The following FMNL2 variants were observed in gnomAD, a reference collection of about 807,000 sequenced individuals.
FMNL2 encodes the protein formin like 2, also known as formin-like protein 2.
FMNL2 carries 51 observed loss-of-function variants against 130.2 expected under a neutral mutation model. That is an observed-to-expected ratio of 0.39 (90% CI 0.31 to 0.49). The LOEUF (loss-of-function observed/expected upper bound fraction) is 0.49, where lower values mean the gene tolerates loss of function less well. Ranked by LOEUF, FMNL2 falls within the 20% of genes least tolerant of loss-of-function variation. FMNL2 has a pLI of 0.85. For missense variants in FMNL2, 977 were observed against 1,316.2 expected (o/e 0.74, Z 3.99); for synonymous variants, 465 against 467.1 (o/e 1.00, Z 0.06).
At chr2:152,531,771 A>T (rs1693713638) in intron 2 of FMNL2, among the ~76,000 whole-genome samples, 1 of 152,080 alleles carries the variant, frequency 6.6e-6, no homozygotes, top group South Asian at 2.1e-4. Flanking sequence ...AAGATATAAG[A>T]TCTAAGGGGA....
chr2:152,530,156 CTT>C (rs796473645), intron 2 of FMNL2, among the ~76,000 whole-genome samples: 29 of 152,266 alleles, frequency 1.9e-4, no homozygotes, highest in African/African-American at 6.5e-4. Flanking sequence ...ATATGAATGA[CTT>C]TTATAAACTT....
At position 152,619,625 on chromosome 2, in the gene FMNL2, G is replaced by A; in HGVS notation, c.1744G>A (p.Val582Ile). The A allele has an allele frequency of 1.9e-6, 3 of 1,589,326 alleles. No individual in the cohort carries two copies. The highest frequency in any genetic ancestry group is 2.6e-6 in the Non-Finnish European group (3 of 1,169,770). ...PPLPGPAAET[V>I]PAPPLAPPLP... Reference sequence around the variant, plus strand: ...TCTCCCAGGCCCTGCAGCTGAGACTGTACCAGCTCCTCCCTTAGCACCTCC... The same window carrying A: ...TCTCCCAGGCCCTGCAGCTGAGACTATACCAGCTCCTCCCTTAGCACCTCC... The change falls in exon 15 of 26, where the codon GTA becomes ATA. Residue 582 changes from valine to isoleucine, a missense_variant. Val to Ile is a conservative substitution (Grantham distance 29). Coordinates refer to ENST00000288670, the MANE Select transcript of FMNL2 (RefSeq NM_052905.4).
chr2:152,612,832 C>T lies in FMNL2; in HGVS notation c.1062+1227C>T, dbSNP rs1003180923. ...CCATGTTGGCTAGGCTAGTCTCATA[C>T]TCCTGCCTCAAGTAATGCACCCAGC... On this transcript the variant is annotated intron_variant, in intron 11 of 25. Coordinates refer to ENST00000288670, the MANE Select transcript of FMNL2 (RefSeq NM_052905.4). 3.3e-5 allele frequency among the ~76,000 whole-genome samples: 5 copies of T among 151,964 alleles called. No individual in the cohort carries two copies. In the South Asian group the frequency reaches 1.0e-3, roughly 31 times the overall value.
chr2:152,622,001 A>T (rs941425223), intron 15 of FMNL2, among the ~76,000 whole-genome samples: 2 of 152,234 alleles, frequency 1.3e-5, no homozygotes, highest in Non-Finnish European at 2.9e-5. Context: ...AGAGCCCCAT[A>T]GTTTATCTAG....
In FMNL2 at chr2:152,390,293, C is replaced by T. The variant is rs114563578; in HGVS notation, c.117+54573C>T. On this transcript the variant is annotated intron_variant, in intron 1 of 25. Transcript: ENST00000288670. ...GGCTCAAGGGGCAGCCAGCAATCAT[C>T]GATGGGGAGCTCTACAACGAAGTGA... 3.5e-4 allele frequency: 453 copies of T among 1,312,394 alleles called. 4 individuals carry two copies. The African/African-American group carries it at 5.6e-3, about 16-fold the overall frequency. The allele number at this position is 1,312,394 out of a possible 1,614,324, so 81.3% of individuals were successfully genotyped here. A position where few individuals can be genotyped will look rare whatever the true frequency, so the allele number is the denominator to read the frequency against.
intron 1 of FMNL2, among the ~76,000 whole-genome samples, chr2:152,506,570 G>A (rs1692182067): frequency 6.6e-6 from 1 of 152,124 alleles, no homozygotes; most frequent in Non-Finnish European, 1.5e-5. Context: ...TGAATCCACA[G>A]ATGTGGAACC....
chr2:152,409,696 G>A (rs894898103), intron 1 of FMNL2, among the ~76,000 whole-genome samples: 3 of 152,202 alleles, frequency 2.0e-5, no homozygotes, highest in African/African-American at 4.8e-5. Flanking sequence ...CCTGATTAAC[G>A]ATGAAGCTGA....
At chr2:152,531,884 A>G (rs1693719000) in intron 2 of FMNL2, among the ~76,000 whole-genome samples, 1 of 152,180 alleles carries the variant, frequency 6.6e-6, no homozygotes, top group African/African-American at 2.4e-5. Context: ...GAATATTTAT[A>G]TATCTAGGAG....
intron 1 of FMNL2, among the ~76,000 whole-genome samples, chr2:152,395,314 GATT>G (rs1685334333): frequency 6.6e-6 from 1 of 152,212 alleles, no homozygotes; most frequent in Middle Eastern, 3.2e-3. Context: ...TTAGGATACA[GATT>G]ACAGAAAGTA....
chr2:152,450,866 G>A (rs1249118106), intron 1 of FMNL2, among the ~76,000 whole-genome samples: 1 of 152,190 alleles, frequency 6.6e-6, no homozygotes, highest in Non-Finnish European at 1.5e-5. Context: ...AAGATCATGA[G>A]GTGATGTCCC....
intron 2 of FMNL2, among the ~76,000 whole-genome samples, chr2:152,534,914 C>A (rs1276400216): frequency 6.6e-6 from 1 of 152,152 alleles, no homozygotes; most frequent in Admixed American, 6.6e-5. Flanking sequence ...TCCTCTTCAA[C>A]TAGCAAAATG....
chr2:152,495,645 C>T (rs557475178), intron 1 of FMNL2, among the ~76,000 whole-genome samples: 16 of 10,618 alleles, frequency 1.5e-3, no homozygotes, highest in South Asian at 2.4e-3. Flanking sequence ...AGTGAGACTC[C>T]GTCTCACCAA....
At chr2:152,468,755 C>G (rs1290012074) in intron 1 of FMNL2, among the ~76,000 whole-genome samples, 2 of 152,098 alleles carry the variant, frequency 1.3e-5, no homozygotes. Context: ...TTAGACAATG[C>G]TGTTTTAGAG....
intron 1 of FMNL2, among the ~76,000 whole-genome samples, chr2:152,432,271 C>T (rs1273672093): frequency 6.6e-6 from 1 of 151,892 alleles, no homozygotes; most frequent in Non-Finnish European, 1.5e-5. Context: ...TGCTCCCATT[C>T]TGGCATTGCC....
intron 12 of FMNL2, among the ~76,000 whole-genome samples, chr2:152,615,659 T>C (rs779921423): frequency 6.6e-5 from 10 of 152,228 alleles, no homozygotes; most frequent in South Asian, 2.1e-4. Context: ...GTTCATTCAT[T>C]AACCACATAT....
At chr2:152,610,130 T>A (rs1337509434) in intron 10 of FMNL2, among the ~76,000 whole-genome samples, 1 of 152,200 alleles carries the variant, frequency 6.6e-6, no homozygotes, top group Non-Finnish European at 1.5e-5. Flanking sequence ...GTTACTATCC[T>A]GTTGATAGGG....
intron 2 of FMNL2, among the ~76,000 whole-genome samples, chr2:152,535,195 A>G (rs1314293257): frequency 6.6e-6 from 1 of 152,202 alleles, no homozygotes; most frequent in African/African-American, 2.4e-5. Context: ...CAATTTTCAT[A>G]AACTGGATTA....
At chr2:152,555,413 G>T (rs1695149174) in intron 4 of FMNL2, among the ~76,000 whole-genome samples, 1 of 152,168 alleles carries the variant, frequency 6.6e-6, no homozygotes, top group Non-Finnish European at 1.5e-5. Context: ...CTGGCAAAAG[G>T]AATTAACTGC....
intron 11 of FMNL2, among the ~76,000 whole-genome samples, chr2:152,614,319 T>C (rs2105876816): frequency 6.6e-6 from 1 of 152,368 alleles, no homozygotes; most frequent in South Asian, 2.1e-4. Flanking sequence ...GGAAAATGTG[T>C]GTGCATTTGG....
Sources: allele counts gnomAD v4.1 joint callset (sites outside exome capture counted in the v4.1 genomes callset), GRCh38; gene constraint gnomAD v4.1.1; transcripts MANE v1.5; gene names NCBI Gene and HGNC (gene_info 2026-07-23, HGNC 2026-07-21).